The following PRH1 variants were observed in gnomAD, a reference collection of about 807,000 sequenced individuals.
PRH1 encodes salivary acidic proline-rich phosphoprotein 1/2.
Under a neutral mutation model 7.9 loss-of-function variants are expected in PRH1, and 7 were observed. The observed-to-expected ratio is 0.89, with a 90% CI of 0.50 to 1.67. The LOEUF is 1.67. Ranked by LOEUF, PRH1 falls within the 40% of genes most tolerant of loss-of-function variation. The pLI, the probability that PRH1 is intolerant of heterozygous loss-of-function variation, is 0.00. For missense variants in PRH1, 109 were observed against 223.6 expected, an observed-to-expected ratio of 0.49 and a Z score of 3.27; for synonymous variants, 45 against 80.8, an observed-to-expected ratio of 0.56 and a Z score of 2.38.
intron 1 of PRH1, among the ~76,000 whole-genome samples, chr12:11,152,616 A>C (rs1947134536): frequency 6.6e-6 from 1 of 152,170 alleles, no homozygotes; most frequent in East Asian, 1.9e-4. Context: ...GGGAGATGAC[A>C]GTAGATTGGA....
At chr12:10,987,186 T>C (rs996846325) in intron 1 of PRH1, among the ~76,000 whole-genome samples, 1 of 152,140 alleles carries the variant, frequency 6.6e-6, no homozygotes. Flanking sequence ...AGCATGCAAA[T>C]AAAGACATAT....
chr12:11,039,157 T>C (rs558863700), intron 1 of PRH1, among the ~76,000 whole-genome samples: 11 of 152,348 alleles, frequency 7.2e-5, no homozygotes, highest in African/African-American at 2.6e-4. Flanking sequence ...ATTATTGTTG[T>C]TATTGAAAAA....
At chr12:10,974,296 C>G (rs1938984435) in intron 1 of PRH1, among the ~76,000 whole-genome samples, 1 of 152,198 alleles carries the variant, frequency 6.6e-6, no homozygotes, top group African/African-American at 2.4e-5. Context: ...GTGTACTCTG[C>G]CACACTACTG....
intron 1 of PRH1, among the ~76,000 whole-genome samples, chr12:10,983,917 A>G (rs1290068420): frequency 1.3e-5 from 2 of 152,142 alleles, no homozygotes; most frequent in Admixed American, 6.5e-5. Flanking sequence ...AACATCAGAC[A>G]TTGGCTCTAG....
At chr12:11,061,809 C>T (rs1409944450) in intron 1 of PRH1, 13 of 1,614,054 alleles carry the variant, frequency 8.1e-6, no homozygotes, top group African/African-American at 4.0e-5. Context: ...TCTTCCAAGT[C>T]ATGTTTCCTT....
intron 1 of PRH1, among the ~76,000 whole-genome samples, chr12:11,111,519 C>T (rs1945590088): frequency 6.6e-6 from 1 of 152,198 alleles, no homozygotes; most frequent in Admixed American, 6.5e-5. Context: ...TGCACAACTA[C>T]ATGGAAACTG....
At position 10,964,631 on chromosome 12, in the gene PRH1, T is replaced by G; in HGVS notation, c.-59+9024A>C. 3 of 503,818 alleles carry G rather than the reference T, an allele frequency of 6.0e-6. No homozygotes were observed. The Admixed American group carries it at 7.5e-5, about 13-fold the overall frequency. 31.2% of individuals were successfully genotyped at this position (503,818 alleles called of 1,614,324 possible). ...AATCGATGTGATTAGGGACAGAAAGTAAACAGCAAATAACAAGAGGAAGGA... is the reference window on the plus strand; with the variant it reads ...AATCGATGTGATTAGGGACAGAAAGGAAACAGCAAATAACAAGAGGAAGGA... On this transcript the variant is annotated intron_variant, in intron 2 of 3. Transcript: ENST00000539853.
intron 2 of PRH1, among the ~76,000 whole-genome samples, chr12:10,918,464 C>G (rs1267084426): frequency 6.6e-6 from 1 of 152,024 alleles, no homozygotes; most frequent in African/African-American, 2.4e-5. Flanking sequence ...TCTTTTATAG[C>G]AACATAAAAT....
At chr12:11,138,334 C>T (rs1203370512) in intron 1 of PRH1, among the ~76,000 whole-genome samples, 1 of 152,154 alleles carries the variant, frequency 6.6e-6, no homozygotes, top group Non-Finnish European at 1.5e-5. Context: ...TATGCACAAA[C>T]ATACTCAAAG....
intron 1 of PRH1, among the ~76,000 whole-genome samples, chr12:11,101,724 T>C (rs561474337): frequency 6.6e-6 from 1 of 152,252 alleles, no homozygotes; most frequent in African/African-American, 2.4e-5. Flanking sequence ...GATAAAAAAT[T>C]ATAAGGTTAA....
At chr12:10,995,590 CAT>C (rs1940182944) in intron 1 of PRH1, among the ~76,000 whole-genome samples, 1 of 151,930 alleles carries the variant, frequency 6.6e-6, no homozygotes, top group Admixed American at 6.6e-5. Flanking sequence ...TCATAGATGC[CAT>C]AGTTTCTATA....
intron 1 of PRH1, chr12:10,997,592 C>T (rs1173976264): frequency 6.2e-7 from 1 of 1,613,898 alleles, no homozygotes; most frequent in Non-Finnish European, 8.5e-7. Flanking sequence ...AAGCCAGATG[C>T]TGAAATGATT....
At chr12:10,958,404 G>C (rs1027085319) in intron 2 of PRH1, among the ~76,000 whole-genome samples, 1 of 152,102 alleles carries the variant, frequency 6.6e-6, no homozygotes, top group Non-Finnish European at 1.5e-5. Flanking sequence ...CGGTCTATGT[G>C]AACAGAGAGA....
At chr12:10,973,621 T>C (rs1428298365) in intron 2 of PRH1, 1 of 769,146 alleles carries the variant, frequency 1.3e-6, no homozygotes, top group Non-Finnish European at 2.4e-6. Flanking sequence ...TAGGTTTTCA[T>C]TTGATCCTGT....
At chr12:10,986,326 C>A (rs746069112) in intron 1 of PRH1, 1 of 1,613,902 alleles carries the variant, frequency 6.2e-7, no homozygotes, top group South Asian at 1.1e-5. Context: ...AGGGTAGTTA[C>A]AGTCAAATAT....
intron 1 of PRH1, among the ~76,000 whole-genome samples, chr12:11,018,999 A>AAGAAAAC (rs1223410313): frequency 5.9e-5 from 9 of 152,192 alleles, no homozygotes; most frequent in Non-Finnish European, 8.8e-5. Flanking sequence ...GAAAAGAGAA[A>AAGAAAAC]AAATAAATTA....
chr12:11,126,310 A>G (rs1031392), intron 1 of PRH1, among the ~76,000 whole-genome samples: 67,083 of 150,542 alleles, frequency 0.45, 15,216 homozygotes, highest in Non-Finnish European at 0.51. Context: ...ATAAATTGCA[A>G]TTCATTAAAA....
intron 2 of PRH1, among the ~76,000 whole-genome samples, chr12:10,922,929 C>T (rs1489821182): frequency 7.0e-6 from 1 of 142,280 alleles, no homozygotes; most frequent in Non-Finnish European, 1.5e-5. Context: ...CCCGGGTTCA[C>T]GCCATTCTCC....
chr12:11,123,922 T>A lies in PRH1; in HGVS notation n.40-2742A>T, dbSNP rs143512796. ...TACAGGGAAACTGAACAAACTAATC[T>A]TAACGCCATGTTCTTTTTAAAAGTG... On this transcript the variant is annotated intron_variant and non_coding_transcript_variant, in intron 1 of 1. Coordinates refer to the PRH1 transcript ENST00000541175. Among the ~76,000 whole-genome samples the A allele has an allele frequency of 2.6e-3, 393 of 152,372 alleles. 4 individuals carry two copies. Among genetic ancestry groups the A allele is most frequent in the African/African-American group, 8.8e-3 (366 of 41,592 alleles).
Sources: gnomAD v4.1 joint callset for allele counts (sites outside exome capture counted in the v4.1 genomes callset) on GRCh38, gnomAD v4.1.1 for gene constraint, MANE v1.5 for transcripts, NCBI Gene and HGNC (gene_info 2026-07-23, HGNC 2026-07-21) for gene names.